The following CEP112 variants were observed in gnomAD, a reference collection of about 807,000 sequenced individuals.
CEP112 encodes centrosomal protein of 112 kDa.
CEP112 carries 127 observed loss-of-function variants against 153.0 expected under a neutral mutation model. That is an observed-to-expected ratio of 0.83 (90% confidence interval 0.72 to 0.96). The LOEUF is 0.96. Among genes scored for constraint, CEP112 ranks in the 40% least tolerant of loss-of-function variants. CEP112 has a pLI of 0.00. For missense variants in CEP112, 1,089 were observed against 1,101.2 expected (o/e 0.99, Z 0.16); for synonymous variants, 358 against 374.4 (o/e 0.96, Z 0.51).
chr17:65,937,342 T>G (rs754332590), intron 18 of CEP112, among the ~76,000 whole-genome samples: 3 of 91,560 alleles, frequency 3.3e-5, no homozygotes, highest in South Asian at 5.0e-4. Context: ...GAGCGCCTCT[T>G]CCCGGCCGCC....
intron 16 of CEP112, among the ~76,000 whole-genome samples, chr17:66,017,429 T>A (rs2064818616): frequency 6.6e-6 from 1 of 152,186 alleles, no homozygotes; most frequent in African/African-American, 2.4e-5. Flanking sequence ...AGCTGGGGGT[T>A]TCTTAAGGTA....
chr17:66,044,112 T>A (rs951329419), intron 12 of CEP112, among the ~76,000 whole-genome samples: 1 of 152,144 alleles, frequency 6.6e-6, no homozygotes, highest in Admixed American at 6.5e-5. Context: ...AAAAATAGAA[T>A]GAAAGTTCTC....
intron 17 of CEP112, among the ~76,000 whole-genome samples, chr17:65,981,763 C>T (rs964250853): frequency 7.9e-5 from 12 of 151,942 alleles, no homozygotes; most frequent in Non-Finnish European, 1.6e-4. Flanking sequence ...TTAGTAGAGA[C>T]GGGGTTTCGC....
intron 24 of CEP112, among the ~76,000 whole-genome samples, chr17:65,678,830 T>A (rs1460022925): frequency 6.6e-6 from 1 of 152,140 alleles, no homozygotes; most frequent in African/African-American, 2.4e-5. Context: ...ACATAGAGGA[T>A]CCTGCCTCTT....
In CEP112 at chr17:65,637,149, C is replaced by T. The variant is rs911554711; in HGVS notation, c.2839G>A (p.Glu947Lys). 16 of 1,613,920 alleles carry T rather than the reference C, an allele frequency of 9.9e-6. No individual in the cohort carries two copies. The highest frequency in any genetic ancestry group is 1.3e-5 in the African/African-American group (1 of 74,924). ...CTTCTGCCTTGATATGTAGTCAGTT[C>T]TTCCTGAAGGATGGAAGCTCTCTTT... ...LQKRASILQE[E>K]LTTYQGRR Residue 947 changes from glutamate to lysine, a missense_variant, in exon 26 of 27, where the codon GAA (glutamate) becomes AAA (lysine). Glu to Lys is a moderately conservative substitution (Grantham distance 56, BLOSUM62 1). Transcript: ENST00000535342.
chr17:66,184,494 AC>A (rs2072848792), intron 1 of CEP112, among the ~76,000 whole-genome samples: 1 of 152,222 alleles, frequency 6.6e-6, no homozygotes, highest in Admixed American at 6.5e-5. Context: ...AAGAAGAAAT[AC>A]AGATGGCAAG....
rs372907425 is a variant in CEP112, at chr17:65,883,537, C to CT, written c.2163+18614dup. 8.8e-3 allele frequency among the ~76,000 whole-genome samples: 1,341 copies of CT among 152,008 alleles called. 19 individuals carry two copies. The highest frequency in any genetic ancestry group is 0.031 in the African/African-American group (1,270 of 41,464). The stretch of plus-strand genomic sequence containing the variant: ...CACCATGCCCAGCTAATGTTTTGTA[C>CT]TTTTTTTAGTAGAGACAGGGCTTCA... On this transcript the variant is annotated intron_variant, in intron 20 of 26. Transcript: ENST00000535342.
intron 18 of CEP112, among the ~76,000 whole-genome samples, chr17:65,934,034 C>G (rs1183048493): frequency 2.6e-5 from 4 of 152,086 alleles, no homozygotes; most frequent in Non-Finnish European, 5.9e-5. Context: ...ACTAAAAATA[C>G]AAAAGTTACA....
At chr17:66,175,468 G>A (rs2072433594) in intron 3 of CEP112, among the ~76,000 whole-genome samples, 3 of 152,122 alleles carry the variant, frequency 2.0e-5, no homozygotes, top group Non-Finnish European at 2.9e-5. Flanking sequence ...AGATAAATCT[G>A]ATAGTAATGT....
chr17:66,122,995 G>C (rs1478158473), intron 6 of CEP112, among the ~76,000 whole-genome samples: 2 of 152,196 alleles, frequency 1.3e-5, no homozygotes, highest in Non-Finnish European at 2.9e-5. Context: ...TTTGAGGAGA[G>C]CTTCTGATCT....
chr17:66,163,417 CTAAA>C (rs1222414354), intron 4 of CEP112, among the ~76,000 whole-genome samples: 5 of 151,840 alleles, frequency 3.3e-5, no homozygotes, highest in African/African-American at 1.2e-4. Context: ...GGGTATATTA[CTAAA>C]TATACTTATG....
intron 19 of CEP112, among the ~76,000 whole-genome samples, chr17:65,919,702 C>T (rs1379084087): frequency 6.6e-6 from 1 of 152,114 alleles, no homozygotes; most frequent in Non-Finnish European, 1.5e-5. Context: ...CCGGAAGGCA[C>T]AGTATCCCTC....
intron 17 of CEP112, among the ~76,000 whole-genome samples, chr17:65,992,814 T>C (rs1258043508): frequency 2.6e-5 from 4 of 152,220 alleles, no homozygotes; most frequent in African/African-American, 9.7e-5. Context: ...CCGTTATACT[T>C]TAAAATCCCA....
chr17:65,728,441 T>C lies in CEP112; in HGVS notation c.2607+14627A>G, dbSNP rs145220140. 5.0e-4 allele frequency among the ~76,000 whole-genome samples: 76 copies of C among 152,310 alleles called. No homozygotes were observed. The East Asian group carries it at 0.012, about 24-fold the overall frequency. On this transcript the variant is annotated intron_variant, in intron 23 of 26. Transcript: ENST00000535342. Reference sequence around the variant, plus strand: ...AAGGGTTGCAAGAGAAACAACGCCATACAGTCTATCCACTTGTCTAGAGAC... The same window carrying C: ...AAGGGTTGCAAGAGAAACAACGCCACACAGTCTATCCACTTGTCTAGAGAC...
chr17:65,817,658 A>G (rs2056342534), intron 21 of CEP112, among the ~76,000 whole-genome samples: 1 of 151,978 alleles, frequency 6.6e-6, no homozygotes, highest in Admixed American at 6.6e-5. Context: ...TACTTCAAAA[A>G]TAAACCAATT....
chr17:65,929,674 G>T (rs887501343), intron 18 of CEP112, among the ~76,000 whole-genome samples: 1 of 152,132 alleles, frequency 6.6e-6, no homozygotes, highest in Non-Finnish European at 1.5e-5. Flanking sequence ...GTCACCCCAT[G>T]TTCACTGTCG....
intron 10 of CEP112, among the ~76,000 whole-genome samples, chr17:66,064,138 T>C (rs948373070): frequency 3.9e-5 from 6 of 152,224 alleles, no homozygotes; most frequent in Non-Finnish European, 5.9e-5. Flanking sequence ...AGTGATTTAC[T>C]TGCCTGTTTC....
chr17:66,121,467 T>G (rs147679447), intron 6 of CEP112, among the ~76,000 whole-genome samples: 1 of 152,204 alleles, frequency 6.6e-6, no homozygotes, highest in Admixed American at 6.5e-5. Flanking sequence ...CCTCTTGTTC[T>G]GGTACCCGCA....
At chr17:66,065,774 C>T (rs931252149) in intron 10 of CEP112, among the ~76,000 whole-genome samples, 7 of 151,924 alleles carry the variant, frequency 4.6e-5, no homozygotes, top group Admixed American at 6.6e-5. Flanking sequence ...TGACTACAGG[C>T]GCCCGCCACC....
Sources: allele counts gnomAD v4.1 joint callset (sites outside exome capture counted in the v4.1 genomes callset), GRCh38; gene constraint gnomAD v4.1.1; transcripts MANE v1.5; gene names NCBI Gene and HGNC (gene_info 2026-07-23, HGNC 2026-07-21).